The following COG6 variants were observed in gnomAD, a reference collection of about 807,000 sequenced individuals.
The protein encoded by COG6 is conserved oligomeric Golgi complex subunit 6.
A neutral mutation model predicts 88.8 loss-of-function variants in COG6; 74 were observed. The observed-to-expected ratio is 0.83, with a 90% CI of 0.69 to 1.01. COG6 has a LOEUF of 1.01. COG6 is among the 50% of genes least tolerant of loss of function. The pLI is 0.00. For missense variants in COG6, 800 were observed against 797.9 expected, an observed-to-expected ratio of 1.00 and a Z score of -0.03; for synonymous variants, 286 against 278.7, an observed-to-expected ratio of 1.03 and a Z score of -0.26.
chr13:39,756,196 C>T (rs911400932), downstream of COG6, among the ~76,000 whole-genome samples: 1 of 152,020 alleles, frequency 6.6e-6, no homozygotes, highest in Non-Finnish European at 1.5e-5. Context: ...TAAAGTTACA[C>T]TTTATAAAAA....
chr13:39,737,653 C>T (rs1195073146), intron 18 of COG6, among the ~76,000 whole-genome samples: 3 of 151,754 alleles, frequency 2.0e-5, no homozygotes, highest in Non-Finnish European at 2.9e-5. Flanking sequence ...CGTGGCTGCC[C>T]TAGCTGGTGT....
intron 8 of COG6, among the ~76,000 whole-genome samples, chr13:39,684,273 C>T (rs1460209757): frequency 4.7e-5 from 1 of 21,294 alleles, no homozygotes; most frequent in African/African-American, 2.0e-4. Flanking sequence ...TTTTTTGAGA[C>T]GGAGTCTAGC....
At chr13:39,656,066 A>G (rs1414526382) in intron 1 of COG6, 187 bp downstream of exon 1, 1 of 760,188 alleles carries the variant, frequency 1.3e-6, no homozygotes, top group Non-Finnish European at 2.3e-6. Flanking sequence ...GAGCCCCAGC[A>G]ACCTCCGGAA....
intron 7 of COG6, among the ~76,000 whole-genome samples, chr13:39,680,782 T>A (rs560661466): frequency 6.6e-6 from 1 of 152,276 alleles, no homozygotes; most frequent in East Asian, 1.9e-4. Flanking sequence ...GGTCATTTTC[T>A]CATGTTGATT....
rs115081547 is a variant in COG6 at position 39,718,925 on chromosome 13, A to G, written c.1285-311A>G. Among the ~76,000 whole-genome samples, 1,259 of 152,258 alleles carry G rather than the reference A, an allele frequency of 8.3e-3. 21 individuals carry two copies. The highest frequency in any genetic ancestry group is 0.029 in the African/African-American group (1,192 of 41,556). On this transcript the variant is annotated intron_variant, in intron 13 of 18. Transcript: ENST00000455146. ...TTTCTTATGATTTGGGCTAAAAAAT[A>G]AAACAGTAGGCCATTTTAAATCCAT...
chr13:39,738,681 A>G (rs1879893176), intron 18 of COG6, among the ~76,000 whole-genome samples: 1 of 152,174 alleles, frequency 6.6e-6, no homozygotes, highest in Non-Finnish European at 1.5e-5. Context: ...ATAAAGGTGG[A>G]GATAGTTTAA....
intron 11 of COG6, among the ~76,000 whole-genome samples, chr13:39,693,893 A>G (rs1877115897): frequency 6.6e-6 from 1 of 151,976 alleles, no homozygotes; most frequent in Non-Finnish European, 1.5e-5. Context: ...TCTATACTGT[A>G]TTTGTATTAG....
chr13:39,785,742 G>C lies in COG6; in HGVS notation c.1827-2593G>C, dbSNP rs567293172. ...CATTCAGAAGAGACCTCAGCTGGAA[G>C]ATTACACCTCATACAACATCTTGCT... On this transcript the variant is annotated intron_variant, in intron 18 of 18. Coordinates refer to the COG6 transcript ENST00000416691. 2.5e-3 allele frequency among the ~76,000 whole-genome samples: 382 copies of C among 152,280 alleles called. 1 individual carries two copies. The highest frequency in any genetic ancestry group is 8.5e-3 in the African/African-American group (355 of 41,552).
intron 13 of COG6, among the ~76,000 whole-genome samples, chr13:39,700,485 A>C (rs192730368): frequency 1.4e-4 from 21 of 151,932 alleles, no homozygotes; most frequent in African/African-American, 4.6e-4. Context: ...TGGAATATCT[A>C]CCTTTATTTT....
chr13:39,753,952 G>A (rs979203772), downstream of COG6, among the ~76,000 whole-genome samples: 2 of 151,934 alleles, frequency 1.3e-5, no homozygotes, highest in African/African-American at 2.4e-5. Context: ...CTACTACACC[G>A]AAACTAACCT....
At chr13:39,776,923 T>C (rs1004238359) in intron 18 of COG6, among the ~76,000 whole-genome samples, 3 of 152,232 alleles carry the variant, frequency 2.0e-5, no homozygotes, top group African/African-American at 4.8e-5. Flanking sequence ...GTGTCTTTTC[T>C]ATTGCTTTCT....
At chr13:39,662,431 C>G (rs1247577305) in intron 3 of COG6, among the ~76,000 whole-genome samples, 1 of 152,030 alleles carries the variant, frequency 6.6e-6, no homozygotes, top group Admixed American at 6.6e-5. Flanking sequence ...CCGGCCAGTC[C>G]TTTATATTTT....
Position 39,693,636 on chromosome 13 carries a change from A to G in COG6, c.1075-998A>G, listed in dbSNP as rs571326521. Among the ~76,000 whole-genome samples, 102 of 152,126 alleles carry G rather than the reference A, an allele frequency of 6.7e-4. 1 individual carries two copies. Among genetic ancestry groups the G allele is most frequent in the African/African-American group, 2.4e-3 (100 of 41,554 alleles). ...TGGTATTGTGTTAATTAGATAGTCTATCACCTATACCAACAGATCAATTTC... is the reference window on the plus strand; with the variant it reads ...TGGTATTGTGTTAATTAGATAGTCTGTCACCTATACCAACAGATCAATTTC... On this transcript the variant is annotated intron_variant, in intron 11 of 18. Transcript: ENST00000455146.
intron 13 of COG6, among the ~76,000 whole-genome samples, chr13:39,701,090 CTG>C (rs369275980): frequency 9.9e-5 from 15 of 151,852 alleles, no homozygotes; most frequent in African/African-American, 2.9e-4. Context: ...AGTATTGAAA[CTG>C]TTTTTATTCA....
chr13:39,725,706 TAG>T (rs1879099081), intron 17 of COG6, among the ~76,000 whole-genome samples: 1 of 76,678 alleles, frequency 1.3e-5, no homozygotes, highest in South Asian at 4.3e-4. Flanking sequence ...AACAAAAACA[TAG>T]TAGCAAAAAT....
chr13:39,783,858 C>T (rs954336955), intron 18 of COG6, among the ~76,000 whole-genome samples: 4 of 152,088 alleles, frequency 2.6e-5, no homozygotes, highest in Non-Finnish European at 4.4e-5. Context: ...TTGAGTTTAC[C>T]GAGGGCATTT....
chr13:39,758,568 T>C (rs1880918449), intron 18 of COG6, among the ~76,000 whole-genome samples: 1 of 152,204 alleles, frequency 6.6e-6, no homozygotes, highest in South Asian at 2.1e-4. Context: ...CTAAGGTGGC[T>C]ATAATGTTAG....
chr13:39,684,416 A>AT (rs370150379), intron 8 of COG6, among the ~76,000 whole-genome samples: 1 of 150,528 alleles, frequency 6.6e-6, no homozygotes, highest in African/African-American at 2.4e-5. Flanking sequence ...CGCCCGGCTA[A>AT]TTTTTTGTAT....
intron 1 of COG6, among the ~76,000 whole-genome samples, chr13:39,657,500 A>G (rs1055818423): frequency 1.3e-5 from 2 of 150,288 alleles, no homozygotes; most frequent in African/African-American, 4.9e-5. Flanking sequence ...TTTCAAGGCT[A>G]TAGTCTAAAG....
Sources: gnomAD v4.1 joint callset for allele counts (sites outside exome capture counted in the v4.1 genomes callset) on GRCh38, gnomAD v4.1.1 for gene constraint, MANE v1.5 for transcripts, NCBI Gene and HGNC (gene_info 2026-07-23, HGNC 2026-07-21) for gene names.